Variants in CADM2 observed in about 807,000 individuals in gnomAD.
CADM2 encodes cell adhesion molecule 2.
A neutral mutation model predicts 49.8 loss-of-function variants in CADM2; 12 were observed. The observed-to-expected ratio is 0.24, with a 90% CI of 0.15 to 0.39. The LOEUF (loss-of-function observed/expected upper bound fraction) is 0.39. CADM2 is among the 10% of genes least tolerant of loss of function. The probability of loss-of-function intolerance (pLI) is 1.00; values close to 1 mark genes in which losing one functional copy is unlikely to be tolerated. For synonymous variants in CADM2, 214 were observed against 175.4 expected, an observed-to-expected ratio of 1.22 and a Z score of -1.74; for missense variants, 378 against 492.3, an observed-to-expected ratio of 0.77 and a Z score of 2.20.
intron 1 of CADM2, among the ~76,000 whole-genome samples, chr3:84,995,613 A>C (rs2033141974): frequency 6.6e-6 from 1 of 152,180 alleles, no homozygotes; most frequent in African/African-American, 2.4e-5. Context: ...ACTTCAGACA[A>C]TTTCTGGAGA....
chr3:85,225,286 G>A (rs878862819), intron 1 of CADM2, among the ~76,000 whole-genome samples: 4 of 152,110 alleles, frequency 2.6e-5, no homozygotes, highest in African/African-American at 9.7e-5. Flanking sequence ...TTGAGCAGTG[G>A]TTTGTAGTTC....
At chr3:85,649,454 C>T (rs560700239) in intron 1 of CADM2, among the ~76,000 whole-genome samples, 7 of 152,116 alleles carry the variant, frequency 4.6e-5, no homozygotes, top group Non-Finnish European at 1.0e-4. Flanking sequence ...AGTTCTAACT[C>T]TCATGTTTTG....
intron 2 of CADM2, among the ~76,000 whole-genome samples, chr3:85,747,647 T>G (rs2068672217): frequency 6.6e-6 from 1 of 152,070 alleles, no homozygotes; most frequent in African/African-American, 2.4e-5. Context: ...ACTAAATGGG[T>G]ATGACAGCAG....
At chr3:85,945,481 A>G (rs1722553154) in intron 7 of CADM2, among the ~76,000 whole-genome samples, 1 of 152,140 alleles carries the variant, frequency 6.6e-6, no homozygotes, top group African/African-American at 2.4e-5. Context: ...ACCAAAAAAG[A>G]GAATTTTAGA....
rs542957782 is a variant in CADM2, at chr3:85,086,065, A to G, written c.61+126397A>G. Among the ~76,000 whole-genome samples the G allele has an allele frequency of 1.3e-4, 20 of 152,298 alleles. No individual in the cohort carries two copies. In the South Asian group the frequency reaches 4.1e-3, roughly 32 times the overall value. ...TTTTTATTTCCACATAGAATACTTA[A>G]GAAGGCTCTGCTGTCTATAATCAGA... On this transcript the variant is annotated intron_variant, in intron 1 of 9. Transcript: ENST00000383699.
chr3:85,478,724 T>A (rs976467876), intron 1 of CADM2, among the ~76,000 whole-genome samples: 1 of 151,894 alleles, frequency 6.6e-6, no homozygotes, highest in African/African-American at 2.4e-5. Flanking sequence ...ATCTGGCGAA[T>A]TTTAGACTTA....
At chr3:85,649,188 G>A (rs1473828915) in intron 1 of CADM2, among the ~76,000 whole-genome samples, 2 of 152,102 alleles carry the variant, frequency 1.3e-5, no homozygotes, top group African/African-American at 4.8e-5. Context: ...AGACTCTTAA[G>A]AGATTAACTT....
At chr3:86,021,765 T>G (rs2107048843) in intron 8 of CADM2, among the ~76,000 whole-genome samples, 1 of 152,194 alleles carries the variant, frequency 6.6e-6, no homozygotes, top group East Asian at 1.9e-4. Flanking sequence ...CTATGTGGAG[T>G]TTTAAAAAGT....
At chr3:85,514,096 C>T (rs921732838) in intron 1 of CADM2, among the ~76,000 whole-genome samples, 1 of 151,956 alleles carries the variant, frequency 6.6e-6, no homozygotes, top group Non-Finnish European at 1.5e-5. Flanking sequence ...TGTGCCAGGG[C>T]ATCTAGAGTC....
At chr3:85,537,646 A>C (rs2107008649) in intron 1 of CADM2, among the ~76,000 whole-genome samples, 1 of 151,562 alleles carries the variant, frequency 6.6e-6, no homozygotes, top group Non-Finnish European at 1.5e-5. Flanking sequence ...TGTCTATTTT[A>C]ACATGTCATG....
At chr3:85,306,070 A>G (rs1047933443) in intron 1 of CADM2, among the ~76,000 whole-genome samples, 7 of 151,606 alleles carry the variant, frequency 4.6e-5, no homozygotes, top group African/African-American at 1.5e-4. Flanking sequence ...TCCTATCACA[A>G]TATCTGAGAT....
rs2038605013 is a variant in CADM2, at chr3:85,115,387, A to C, written c.61+155719A>C. Among the ~76,000 whole-genome samples, 4 of 152,190 alleles carry C rather than the reference A, an allele frequency of 2.6e-5. No individual in the cohort carries two copies. In the South Asian group the frequency reaches 8.3e-4, roughly 31 times the overall value. On this transcript the variant is annotated intron_variant, in intron 1 of 9. Transcript: ENST00000383699. ...GTACATTAAAAGTAGAAAGTTCATTAATGTTTTTAATTCATATCTATTATT... is the reference window on the plus strand; with the variant it reads ...GTACATTAAAAGTAGAAAGTTCATTCATGTTTTTAATTCATATCTATTATT...
intron 1 of CADM2, among the ~76,000 whole-genome samples, chr3:85,131,835 A>G (rs987156100): frequency 1.3e-5 from 2 of 152,024 alleles, no homozygotes; most frequent in Admixed American, 1.3e-4. Context: ...ATACAATTAA[A>G]TTCTGCTAAA....
Position 85,902,165 on chromosome 3 carries a change from C to T in CADM2, c.530-10208C>T, listed in dbSNP as rs144018804. 2.6e-5 allele frequency among the ~76,000 whole-genome samples: 4 copies of T among 152,146 alleles called. 1 individual carries two copies. In the East Asian group the frequency reaches 7.7e-4, roughly 29 times the overall value. On this transcript the variant is annotated intron_variant, in intron 5 of 9. Coordinates refer to ENST00000383699, the MANE Select transcript of CADM2 (RefSeq NM_001167675.2). ...TATTCCTGAGAACAGTATTGCTGGACTAAATGGTTTCTGCTTCACGTACCT... is the reference window on the plus strand; with the variant it reads ...TATTCCTGAGAACAGTATTGCTGGATTAAATGGTTTCTGCTTCACGTACCT...
intron 3 of CADM2, among the ~76,000 whole-genome samples, chr3:85,843,897 T>TGGG (rs915915212): frequency 3.3e-5 from 5 of 150,658 alleles, no homozygotes; most frequent in African/African-American, 9.9e-5. Flanking sequence ...TATGTGTGTG[T>TGGG]GGGGGGGGAG....
chr3:85,873,844 A>G (rs1210393240), intron 3 of CADM2, among the ~76,000 whole-genome samples: 2 of 152,150 alleles, frequency 1.3e-5, no homozygotes, highest in African/African-American at 4.8e-5. Flanking sequence ...TTTTTTAAAG[A>G]TAATATTTTA....
intron 1 of CADM2, among the ~76,000 whole-genome samples, chr3:85,689,770 GC>G (rs1435954335): frequency 6.6e-6 from 1 of 152,164 alleles, no homozygotes; most frequent in Non-Finnish European, 1.5e-5. Context: ...TGTAGGAAGT[GC>G]TAAGAAATTC....
chr3:85,777,094 AG>A (rs1395269678), intron 2 of CADM2, among the ~76,000 whole-genome samples: 7 of 152,024 alleles, frequency 4.6e-5, no homozygotes. Context: ...AAATATGCAT[AG>A]TATTTCTTTC....
At chr3:85,332,165 T>A (rs1262303045) in intron 1 of CADM2, among the ~76,000 whole-genome samples, 1 of 152,028 alleles carries the variant, frequency 6.6e-6, no homozygotes, top group East Asian at 1.9e-4. Flanking sequence ...GTCCTAAACA[T>A]TTGTGACTGC....
Sources: gnomAD v4.1 joint callset for allele counts (sites outside exome capture counted in the v4.1 genomes callset) on GRCh38, gnomAD v4.1.1 for gene constraint, MANE v1.5 for transcripts, NCBI Gene and HGNC (gene_info 2026-07-23, HGNC 2026-07-21) for gene names.